ITPR1: variants seen among roughly 807,000 people sequenced by gnomAD.
ITPR1 encodes inositol 1,4,5-trisphosphate-gated calcium channel ITPR1.
A neutral mutation model predicts 318.4 loss-of-function variants in ITPR1; 96 were observed. That is an observed-to-expected ratio of 0.30 (90% CI 0.26 to 0.36). The LOEUF (loss-of-function observed/expected upper bound fraction) is 0.36. Ranked by LOEUF, ITPR1 falls within the 10% of genes least tolerant of loss-of-function variation. The pLI is 1.00. For missense variants in ITPR1, 2,440 were observed against 3,460.2 expected (o/e 0.71, Z 7.40); for synonymous variants, 1,312 against 1,289.9 (o/e 1.02, Z -0.37).
At chr3:4,537,031 A>C (rs1334879303) in intron 4 of ITPR1, among the ~76,000 whole-genome samples, 1 of 152,208 alleles carries the variant, frequency 6.6e-6, no homozygotes, top group African/African-American at 2.4e-5. Flanking sequence ...ACACAGATTC[A>C]GGCATTTGAG....
chr3:4,562,134 G>A (rs2086741172), intron 4 of ITPR1, among the ~76,000 whole-genome samples: 1 of 151,892 alleles, frequency 6.6e-6, no homozygotes, highest in Non-Finnish European at 1.5e-5. Flanking sequence ...ATCTCATAAT[G>A]TTTTAAGAAA....
chr3:4,622,703 G>A (rs950032268), intron 4 of ITPR1, among the ~76,000 whole-genome samples: 11 of 152,150 alleles, frequency 7.2e-5, no homozygotes, highest in African/African-American at 1.9e-4. Flanking sequence ...GTGAGCCACC[G>A]CACCCGGCCT....
At chr3:4,510,967 C>G (rs1216518886) in intron 2 of ITPR1, among the ~76,000 whole-genome samples, 1 of 152,090 alleles carries the variant, frequency 6.6e-6, no homozygotes, top group African/African-American at 2.4e-5. Context: ...GGAGGAGCCA[C>G]CAGGCTTTGC....
At chr3:4,800,176 T>C (rs2048135974) in intron 53 of ITPR1, 1 of 496,902 alleles carries the variant, frequency 2.0e-6, no homozygotes, top group Non-Finnish European at 3.5e-6. Context: ...GAAGAAGTAA[T>C]GTCAAAGCTA....
At chr3:4,508,268 A>G (rs921051702) in intron 2 of ITPR1, among the ~76,000 whole-genome samples, 1 of 152,066 alleles carries the variant, frequency 6.6e-6, no homozygotes, top group South Asian at 2.1e-4. Flanking sequence ...AAAAACTGGC[A>G]GGTCTGTGGT....
chr3:4,721,108 AT>A (rs2042120327), intron 40 of ITPR1, among the ~76,000 whole-genome samples: 1 of 142,546 alleles, frequency 7.0e-6, no homozygotes, highest in Non-Finnish European at 1.5e-5. Flanking sequence ...CAGTGGAGGG[AT>A]ATATATATAT....
chr3:4,819,819 A>C (rs1189168350), intron 60 of ITPR1, among the ~76,000 whole-genome samples: 1 of 152,228 alleles, frequency 6.6e-6, no homozygotes, highest in Non-Finnish European at 1.5e-5. Flanking sequence ...GAGAAAAAAA[A>C]ATCAGCACAG....
intron 4 of ITPR1, among the ~76,000 whole-genome samples, chr3:4,624,808 T>G (rs1016442932): frequency 5.3e-5 from 8 of 152,110 alleles, no homozygotes; most frequent in Non-Finnish European, 1.2e-4. Context: ...GTGTCAAAGA[T>G]GGGATAGTTA....
chr3:4,823,763 C>T (rs1166007014), intron 60 of ITPR1, among the ~76,000 whole-genome samples: 1 of 152,144 alleles, frequency 6.6e-6, no homozygotes, highest in Admixed American at 6.5e-5. Context: ...AGTAGAATGA[C>T]TATAATTAAC....
intron 35 of ITPR1, among the ~76,000 whole-genome samples, chr3:4,700,899 T>C (rs1453060201): frequency 6.6e-6 from 1 of 152,118 alleles, no homozygotes; most frequent in Non-Finnish European, 1.5e-5. Context: ...AACTCCCCTT[T>C]ATAAAACCAT....
rs869122029 is a variant in ITPR1 at position 4,735,727 on chromosome 3, A to AG, written c.5544+373_5544+374insG. 1.8e-3 allele frequency: 104 copies of AG among 58,016 alleles called. 2 individuals are homozygous for AG. The highest frequency in any genetic ancestry group is 9.9e-3 in the South Asian group (60 of 6,054). 3.6% of individuals were successfully genotyped at this position (58,016 alleles called of 1,614,324 possible). ...TAGGGGATCTCATCACAAGATGACC[A>AG]AAGAGTTTGAACTGTGTGTGCTATT... On this transcript the variant is annotated intron_variant, in intron 44 of 61. Coordinates refer to ENST00000649015, the MANE Select transcript of ITPR1 (RefSeq NM_001378452.1).
At chr3:4,740,600 T>G (rs2043629211) in intron 44 of ITPR1, among the ~76,000 whole-genome samples, 1 of 152,214 alleles carries the variant, frequency 6.6e-6, no homozygotes, top group African/African-American at 2.4e-5. Context: ...AAATACAGGT[T>G]ACTTCCCAGT....
rs189666534 is a variant in ITPR1 at position 4,820,640 on chromosome 3, C to T, written c.8028+2398C>T. 1.2e-3 allele frequency among the ~76,000 whole-genome samples: 180 copies of T among 152,320 alleles called. 4 individuals are homozygous for T. In the South Asian group the frequency reaches 0.035, roughly 30 times the overall value. ...TCTTTGATTATATGAGACATCTTGT[C>T]AGAAAACCTAAAAATCTTACAGCAT... On this transcript the variant is annotated intron_variant, in intron 60 of 61. Coordinates refer to ENST00000649015, the MANE Select transcript of ITPR1 (RefSeq NM_001378452.1).
rs1352847691 is a variant in ITPR1 at position 4,502,539 on chromosome 3, C to T, written c.-17+8033C>T. Among the ~76,000 whole-genome samples the T allele has an allele frequency of 6.6e-5, 10 of 151,904 alleles. 1 individual carries two copies. Among genetic ancestry groups the T allele is most frequent in the Admixed American group, 3.9e-4 (6 of 15,272 alleles). On this transcript the variant is annotated intron_variant, in intron 2 of 61. Coordinates refer to ENST00000649015, the MANE Select transcript of ITPR1 (RefSeq NM_001378452.1). ...CACTGCAACCTCCGCCTGCCAGGTT[C>T]AAGCGATTCTCCTGCCTCAGCCTCC... is the stretch of plus-strand genomic sequence containing the variant.
intron 2 of ITPR1, among the ~76,000 whole-genome samples, chr3:4,507,045 T>G (rs1438982751): frequency 6.6e-6 from 1 of 152,074 alleles, no homozygotes; most frequent in Non-Finnish European, 1.5e-5. Context: ...ATTGACATAT[T>G]TTTAATGAAC....
intron 2 of ITPR1, among the ~76,000 whole-genome samples, chr3:4,508,948 C>T (rs73125491): frequency 1.1e-3 from 172 of 152,248 alleles, no homozygotes; most frequent in African/African-American, 4.1e-3. Context: ...AGATGTATTT[C>T]CTAGAGTATT....
chr3:4,839,890 A>G (rs2051206748), intron 61 of ITPR1, among the ~76,000 whole-genome samples: 1 of 152,086 alleles, frequency 6.6e-6, no homozygotes, highest in Non-Finnish European at 1.5e-5. Flanking sequence ...ATGAATTTGA[A>G]CTGTTTTTTT....
At chr3:4,645,543 A>T (rs760645464) in intron 9 of ITPR1, 39 bp from the exon 10 acceptor site, 3 of 1,609,044 alleles carry the variant, frequency 1.9e-6, no homozygotes, top group African/African-American at 2.7e-5. Context: ...CTCTTTTTAA[A>T]TTCTTTTTTC....
At chr3:4,817,086 T>C (rs1175431617) in intron 59 of ITPR1, among the ~76,000 whole-genome samples, 1 of 152,234 alleles carries the variant, frequency 6.6e-6, no homozygotes, top group Non-Finnish European at 1.5e-5. Context: ...AGCTGACTCC[T>C]GGGTTTAGTC....
Sources: allele counts gnomAD v4.1 joint callset (sites outside exome capture counted in the v4.1 genomes callset), GRCh38; gene constraint gnomAD v4.1.1; transcripts MANE v1.5; gene names NCBI Gene and HGNC (gene_info 2026-07-23, HGNC 2026-07-21).